PXDNL: variants seen among roughly 807,000 people sequenced by gnomAD.
The protein encoded by PXDNL is probable oxidoreductase PXDNL.
Under a neutral mutation model 150.8 loss-of-function variants are expected in PXDNL, and 145 were observed. The ratio of observed to expected loss-of-function variants is 0.96; its 90% CI spans 0.84 to 1.10. PXDNL has a LOEUF of 1.10. PXDNL is among the 50% of genes least tolerant of loss of function. The pLI is 0.00. For missense variants in PXDNL, 2,087 were observed against 1,873.9 expected (o/e 1.11, Z -2.10); for synonymous variants, 757 against 725.7 (o/e 1.04, Z -0.69).
chr8:51,423,082 A>T (rs868415313), intron 14 of PXDNL, among the ~76,000 whole-genome samples: 1 of 152,262 alleles, frequency 6.6e-6, no homozygotes, highest in South Asian at 2.1e-4. Context: ...GAATGTAAAA[A>T]GCTATGTCAA....
intron 17 of PXDNL, among the ~76,000 whole-genome samples, chr8:51,395,424 T>C (rs1808051092): frequency 1.3e-5 from 2 of 152,192 alleles, no homozygotes; most frequent in Non-Finnish European, 2.9e-5. Flanking sequence ...AATAAATGTC[T>C]GTGAAATGTA....
chr8:51,691,457 T>C (rs1475730171), intron 1 of PXDNL, among the ~76,000 whole-genome samples: 2 of 152,098 alleles, frequency 1.3e-5, no homozygotes, highest in African/African-American at 4.8e-5. Context: ...TTTTTTCAGG[T>C]TTGTCAAAGA....
intron 2 of PXDNL, among the ~76,000 whole-genome samples, chr8:51,599,676 T>C (rs1006583057): frequency 6.1e-5 from 9 of 146,898 alleles, no homozygotes; most frequent in East Asian, 2.0e-4. Flanking sequence ...ATATAAATGA[T>C]ATCATTTATA....
At position 51,495,285 on chromosome 8, in the gene PXDNL, G is replaced by A. The variant is rs550672881; in HGVS notation, c.452+4414C>T. ...CTCTGGGACACATTCAAAGCAGTGTGTAGAGGGAAATTTATAGCACTAAAT... is the reference window on the plus strand; with the variant it reads ...CTCTGGGACACATTCAAAGCAGTGTATAGAGGGAAATTTATAGCACTAAAT... On this transcript the variant is annotated intron_variant, in intron 5 of 22. Transcript: ENST00000356297. Among the ~76,000 whole-genome samples the A allele has an allele frequency of 2.7e-3, 418 of 152,284 alleles. 3 individuals are homozygous for A. The highest frequency in any genetic ancestry group is 0.024 in the Middle Eastern group (7 of 294).
intron 4 of PXDNL, among the ~76,000 whole-genome samples, chr8:51,546,991 C>T (rs1272399044): frequency 1.3e-5 from 2 of 152,158 alleles, no homozygotes; most frequent in African/African-American, 4.8e-5. Context: ...GTGCCCGCAG[C>T]AAGCCCCACC....
At chr8:51,780,363 C>A (rs2037398792) in intron 1 of PXDNL, among the ~76,000 whole-genome samples, 1 of 152,128 alleles carries the variant, frequency 6.6e-6, no homozygotes, top group Non-Finnish European at 1.5e-5. Flanking sequence ...TATATATTTT[C>A]TCAAAGAAAA....
At chr8:51,481,294 G>C (rs758163842) in intron 6 of PXDNL, among the ~76,000 whole-genome samples, 4 of 152,208 alleles carry the variant, frequency 2.6e-5, no homozygotes, top group Admixed American at 6.5e-5. Context: ...AAAGAGACTG[G>C]TGGCATTTTG....
intron 2 of PXDNL, among the ~76,000 whole-genome samples, chr8:51,638,051 A>G (rs1440976243): frequency 1.3e-5 from 2 of 152,238 alleles, no homozygotes; most frequent in African/African-American, 4.8e-5. Flanking sequence ...AATATTCAAC[A>G]TTCTTAAAGA....
At chr8:51,630,572 T>A (rs1245716110) in intron 2 of PXDNL, among the ~76,000 whole-genome samples, 1 of 151,844 alleles carries the variant, frequency 6.6e-6, no homozygotes, top group Admixed American at 6.6e-5. Context: ...CTATAAGGAA[T>A]GTAAAGAAAT....
At chr8:51,775,730 A>G (rs1460401966) in intron 1 of PXDNL, among the ~76,000 whole-genome samples, 1 of 152,186 alleles carries the variant, frequency 6.6e-6, no homozygotes, top group African/African-American at 2.4e-5. Flanking sequence ...GAGGATGAAT[A>G]TCACCTCAGG....
At chr8:51,595,830 GAAA>G (rs71910215) in intron 2 of PXDNL, among the ~76,000 whole-genome samples, 1 of 151,094 alleles carries the variant, frequency 6.6e-6, no homozygotes, top group Admixed American at 6.6e-5. Flanking sequence ...AAAACTGTAG[GAAA>G]AAAAAAGAGG....
intron 1 of PXDNL, among the ~76,000 whole-genome samples, chr8:51,663,181 C>T (rs1815310517): frequency 6.6e-6 from 1 of 152,168 alleles, no homozygotes; most frequent in Non-Finnish European, 1.5e-5. Context: ...GGAAATGGCC[C>T]TCAAGTGTAT....
At chr8:51,490,330 T>C (rs929968018) in intron 5 of PXDNL, among the ~76,000 whole-genome samples, 1 of 152,136 alleles carries the variant, frequency 6.6e-6, no homozygotes, top group East Asian at 1.9e-4. Flanking sequence ...AAATGATATA[T>C]ACTTCTAATT....
At chr8:51,369,167 A>G (rs1304324749) in intron 19 of PXDNL, among the ~76,000 whole-genome samples, 1 of 152,164 alleles carries the variant, frequency 6.6e-6, no homozygotes, top group Non-Finnish European at 1.5e-5. Context: ...GTCCTTTAAT[A>G]CACCTTCTCT....
chr8:51,572,287 A>G (rs1479665155), intron 3 of PXDNL, among the ~76,000 whole-genome samples: 1 of 151,988 alleles, frequency 6.6e-6, no homozygotes, highest in Non-Finnish European at 1.5e-5. Flanking sequence ...TCATAGCAGC[A>G]TAATTCATAA....
intron 3 of PXDNL, among the ~76,000 whole-genome samples, chr8:51,559,555 C>T (rs375052313): frequency 6.6e-6 from 1 of 151,980 alleles, no homozygotes; most frequent in African/African-American, 2.4e-5. Flanking sequence ...AGAGCATTAG[C>T]AACTTCAGTT....
At chr8:51,367,948 A>G (rs28402859) in intron 19 of PXDNL, among the ~76,000 whole-genome samples, 89 of 152,176 alleles carry the variant, frequency 5.8e-4, no homozygotes, top group Middle Eastern at 3.4e-3. Flanking sequence ...ATCAACATGG[A>G]GAAACCACGT....
chr8:51,789,609 T>C (rs540097157), intron 1 of PXDNL, among the ~76,000 whole-genome samples: 1 of 152,378 alleles, frequency 6.6e-6, no homozygotes, highest in East Asian at 1.9e-4. Context: ...ACATCATGCC[T>C]GTGCAAATGA....
rs956244172 is a variant in PXDNL at position 51,593,922 on chromosome 8, T to C, written c.237-1224A>G. ...AGCCATTCAACTTTATAGTCCACCATGTGTTCAAGGAATTTTTAAACAGGC... is the reference window on the plus strand; with the variant it reads ...AGCCATTCAACTTTATAGTCCACCACGTGTTCAAGGAATTTTTAAACAGGC... On this transcript the variant is annotated intron_variant, in intron 2 of 22. Coordinates refer to ENST00000356297, the MANE Select transcript of PXDNL (RefSeq NM_144651.5). Among the ~76,000 whole-genome samples, 4 of 152,322 alleles carry C rather than the reference T, an allele frequency of 2.6e-5. No individual in the cohort carries two copies. In the East Asian group the frequency reaches 7.7e-4, roughly 29 times the overall value.
Sources: gnomAD v4.1 joint callset for allele counts (sites outside exome capture counted in the v4.1 genomes callset) on GRCh38, gnomAD v4.1.1 for gene constraint, MANE v1.5 for transcripts, NCBI Gene and HGNC (gene_info 2026-07-23, HGNC 2026-07-21) for gene names.